MGAT5: variants seen among roughly 807,000 people sequenced by gnomAD.
MGAT5 encodes alpha-1,6-mannosylglycoprotein 6-beta-N-acetylglucosaminyltransferase A.
MGAT5 carries 30 observed loss-of-function variants against 94.3 expected under a neutral mutation model. The observed-to-expected ratio is 0.32, with a 90% confidence interval of 0.24 to 0.43. The LOEUF (loss-of-function observed/expected upper bound fraction) is 0.43. MGAT5 is among the 20% of genes least tolerant of loss of function. The probability of loss-of-function intolerance (pLI) is 1.00; values close to 1 mark genes in which losing one functional copy is unlikely to be tolerated. For synonymous variants in MGAT5, 310 were observed against 322.9 expected (o/e 0.96, Z 0.43); for missense variants, 691 against 905.5 (o/e 0.76, Z 3.04).
chr2:134,279,755 T>C (rs1413289619), intron 2 of MGAT5, among the ~76,000 whole-genome samples: 4 of 152,222 alleles, frequency 2.6e-5, no homozygotes, highest in Non-Finnish European at 5.9e-5. Flanking sequence ...TTAATTTGGC[T>C]TAATGAGGTA....
At chr2:134,236,957 C>T (rs1243586612) in intron 1 of MGAT5, among the ~76,000 whole-genome samples, 1 of 152,126 alleles carries the variant, frequency 6.6e-6, no homozygotes, top group Non-Finnish European at 1.5e-5. Flanking sequence ...TAGTTTTCAT[C>T]CTGTGGAAGA....
intron 1 of MGAT5, among the ~76,000 whole-genome samples, chr2:134,122,732 G>A (rs1685674739): frequency 6.6e-6 from 1 of 152,198 alleles, no homozygotes; most frequent in African/African-American, 2.4e-5. Context: ...TGGGACACTC[G>A]TGACTGGAGT....
rs1688366458 is a variant in MGAT5 at position 134,174,516 on chromosome 2, T to G, written c.-143+54225T>G. Among the ~76,000 whole-genome samples, 3 of 152,362 alleles carry G rather than the reference T, an allele frequency of 2.0e-5. No individual in the cohort carries two copies. The South Asian group carries it at 6.2e-4, about 32-fold the overall frequency. On this transcript the variant is annotated intron_variant, in intron 1 of 16. Coordinates refer to the MGAT5 transcript ENST00000409645. ...GTCTAATTTTTAGGCAGTAAAAGTT[T>G]TGTTTCATTTTATTTTTACCTGGGT...
intron 4 of MGAT5, among the ~76,000 whole-genome samples, chr2:134,328,316 T>C (rs1687763694): frequency 6.6e-6 from 1 of 152,032 alleles, no homozygotes; most frequent in African/African-American, 2.4e-5. Flanking sequence ...GTACTTTGTG[T>C]TAATAATATT....
Position 134,346,186 on chromosome 2 carries a change from C to T in MGAT5, c.1112+1122C>T, listed in dbSNP as rs190272101. Among the ~76,000 whole-genome samples, 33 of 152,204 alleles carry T rather than the reference C, an allele frequency of 2.2e-4. No homozygotes were observed. In the South Asian group the frequency reaches 2.3e-3, roughly 11 times the overall value. On this transcript the variant is annotated intron_variant, in intron 8 of 15. Transcript: ENST00000281923. ...TGATAAATGTGCAAAGGAATCTACA[C>T]GGTATAGGCTTCCCTTGACTCACAT... is the stretch of plus-strand genomic sequence containing the variant.
intron 5 of MGAT5, 35 bp downstream of exon 5, chr2:134,336,323 G>T: frequency 6.4e-7 from 1 of 1,555,512 alleles, no homozygotes. Context: ...CTAGACTTGT[G>T]CATTTAGGTC....
At position 134,191,452 on chromosome 2, in the gene MGAT5, C is replaced by A. The variant is rs13419359; in HGVS notation, c.-142-62810C>A. 6.8e-3 allele frequency among the ~76,000 whole-genome samples: 1,037 copies of A among 152,264 alleles called. 10 individuals carry two copies. The highest frequency in any genetic ancestry group is 0.023 in the African/African-American group (938 of 41,556). ...TGATGAAAGGGTGGGTTCGCCCCCT[C>A]CCCCTACCCCCCCCACCAGCAGGTT... On this transcript the variant is annotated intron_variant, in intron 1 of 16. Transcript: ENST00000409645.
intron 1 of MGAT5, among the ~76,000 whole-genome samples, chr2:134,180,022 G>A (rs779679245): frequency 4.6e-5 from 7 of 152,172 alleles, no homozygotes; most frequent in Non-Finnish European, 1.0e-4. Context: ...GCAGCACCGT[G>A]ACAATTTACA....
At position 134,232,476 on chromosome 2, in the gene MGAT5, C is replaced by T. The variant is rs148004232; in HGVS notation, c.-142-21786C>T. ...GAGGGGCCTTGGGAAAGGGCTTCTA[C>T]ATCTTGAAAAATCTCCCCAAACAGG... On this transcript the variant is annotated intron_variant, in intron 1 of 16. Transcript: ENST00000409645. Among the ~76,000 whole-genome samples the T allele has an allele frequency of 4.6e-5, 7 of 152,298 alleles. No homozygotes were observed. The East Asian group carries it at 1.2e-3, about 25-fold the overall frequency.
intron 12 of MGAT5, among the ~76,000 whole-genome samples, chr2:134,418,310 C>T (rs777398630): frequency 6.6e-6 from 1 of 152,186 alleles, no homozygotes; most frequent in Non-Finnish European, 1.5e-5. Flanking sequence ...AGCTGTCACA[C>T]GGACATTTGG....
chr2:134,196,038 C>T (rs1679481553), intron 1 of MGAT5, among the ~76,000 whole-genome samples: 2 of 152,164 alleles, frequency 1.3e-5, no homozygotes, highest in African/African-American at 4.8e-5. Context: ...AAACTAAAAG[C>T]AACTTTTTCC....
Position 134,344,969 on chromosome 2 carries a change from A to G in MGAT5, c.1017A>G (p.Pro339=). The G allele has an allele frequency of 6.2e-7, 1 of 1,613,576 alleles. No individual in the cohort carries two copies. The highest frequency in any genetic ancestry group is 8.5e-7 in the Non-Finnish European group (1 of 1,179,672). The stretch of plus-strand genomic sequence containing the variant: ...TTGTAGGAAACCGATCTGGCTGCCC[A>G]ACTGTAGGAGACAGAATTGTTGAGC... ...KKVVGNRSGC[P]TVGDRIVELI... The change falls in exon 8 of 16, where the codon CCA becomes CCG. Residue 339 remains proline (P), a synonymous_variant. Transcript: ENST00000281923.
At chr2:134,337,401 G>T (rs563603319) in intron 5 of MGAT5, among the ~76,000 whole-genome samples, 1 of 152,124 alleles carries the variant, frequency 6.6e-6, no homozygotes, top group Non-Finnish European at 1.5e-5. Flanking sequence ...TCGCTTGAGC[G>T]CAAGTTCAAG....
intron 1 of MGAT5, among the ~76,000 whole-genome samples, chr2:134,165,501 C>A (rs1056195836): frequency 2.6e-5 from 4 of 152,018 alleles, no homozygotes; most frequent in African/African-American, 9.7e-5. Context: ...CAGGGCCGGG[C>A]GCGGTGGCTC....
chr2:134,224,073 T>G (rs1458907208), intron 1 of MGAT5, among the ~76,000 whole-genome samples: 3 of 152,348 alleles, frequency 2.0e-5, no homozygotes, highest in African/African-American at 7.2e-5. Flanking sequence ...AAGATGTTTG[T>G]TTAACTTGGA....
intron 1 of MGAT5, among the ~76,000 whole-genome samples, chr2:134,130,859 T>G (rs1445806369): frequency 3.9e-5 from 6 of 152,076 alleles, no homozygotes; most frequent in Non-Finnish European, 7.4e-5. Context: ...TTGGAGAACT[T>G]TTGTGTCTAG....
At chr2:134,309,519 C>T (rs1203509687) in intron 2 of MGAT5, among the ~76,000 whole-genome samples, 3 of 152,140 alleles carry the variant, frequency 2.0e-5, no homozygotes, top group Non-Finnish European at 2.9e-5. Context: ...GATGTGAAGT[C>T]GTACCTCATT....
intron 1 of MGAT5, among the ~76,000 whole-genome samples, chr2:134,193,675 TTGTGTGTGTGTGTG>T (rs58044792): frequency 0.027 from 3,517 of 130,872 alleles, 128 homozygotes; most frequent in East Asian, 0.17. Flanking sequence ...CCCCAAATCT[TTGTGTGTGTGTGTG>T]TGTGTGTGTG....
chr2:134,342,718 T>G (rs1343062874), intron 7 of MGAT5, among the ~76,000 whole-genome samples: 2 of 13,194 alleles, frequency 1.5e-4, no homozygotes, highest in East Asian at 9.9e-3. Flanking sequence ...AGTCTCTGTC[T>G]TAAAAAAAAA....
Sources: allele counts gnomAD v4.1 joint callset (sites outside exome capture counted in the v4.1 genomes callset), GRCh38; gene constraint gnomAD v4.1.1; transcripts MANE v1.5; gene names NCBI Gene and HGNC (gene_info 2026-07-23, HGNC 2026-07-21).